FGD5: variants seen among roughly 807,000 people sequenced by gnomAD.
FGD5 encodes FYVE, RhoGEF and PH domain containing 5, also known as FYVE, RhoGEF and PH domain-containing protein 5.
Under a neutral mutation model 133.4 loss-of-function variants are expected in FGD5, and 28 were observed. The observed-to-expected ratio is 0.21, with a 90% confidence interval of 0.16 to 0.29. The LOEUF is 0.29. FGD5 is among the 10% of genes least tolerant of loss of function. FGD5 has a pLI of 1.00. For synonymous variants in FGD5, 810 were observed against 776.5 expected (o/e 1.04, Z -0.72); for missense variants, 1,858 against 1,895.2 (o/e 0.98, Z 0.36).
chr3:14,875,868 C>T (rs1444226625), intron 2 of FGD5, among the ~76,000 whole-genome samples: 1 of 151,658 alleles, frequency 6.6e-6, no homozygotes, highest in East Asian at 1.9e-4. Context: ...GATTGGAGTG[C>T]CCAGTGACCA....
At chr3:14,853,455 C>A (rs1575209173) in intron 1 of FGD5, among the ~76,000 whole-genome samples, 1 of 151,824 alleles carries the variant, frequency 6.6e-6, no homozygotes, top group Admixed American at 6.6e-5. Flanking sequence ...GAGCTCAGCC[C>A]CGAAGCCCCC....
At chr3:14,906,706 G>A (rs2038349336) in intron 9 of FGD5, among the ~76,000 whole-genome samples, 1 of 152,230 alleles carries the variant, frequency 6.6e-6, no homozygotes, top group African/African-American at 2.4e-5. Context: ...CATTTTCGCT[G>A]CTTTCTTCTT....
intron 1 of FGD5, among the ~76,000 whole-genome samples, chr3:14,860,568 G>A (rs1051143074): frequency 2.0e-5 from 3 of 152,238 alleles, no homozygotes; most frequent in Admixed American, 2.0e-4. Flanking sequence ...AGGCTGAATT[G>A]AGGATCAGAA....
chr3:14,922,329 G>T lies in FGD5; in HGVS notation c.3670-82G>T. 4 of 1,525,148 alleles carry T rather than the reference G, an allele frequency of 2.6e-6. No individual in the cohort carries two copies. The highest frequency in any genetic ancestry group is 3.5e-6 in the Non-Finnish European group (4 of 1,128,318). 94.5% of individuals were successfully genotyped at this position (1,525,148 alleles called of 1,614,324 possible). A position where few individuals can be genotyped will look rare whatever the true frequency, so the allele number is the denominator to read the frequency against. On this transcript the variant is annotated intron_variant, in intron 14 of 19. Coordinates refer to ENST00000285046, the MANE Select transcript of FGD5 (RefSeq NM_152536.4). This position sits in a 1 kb window ranked among gnomAD's most constrained non-coding sequence, Gnocchi z 4.1. ...CACATCACACACCCTGCACAGAGAC[G>T]CAGGGCAGGGCTCACTGGGCTCTGC...
At position 14,880,559 on chromosome 3, in the gene FGD5, T is replaced by C; in HGVS notation, c.2659-13T>C. ...ATGCCTGTCCCACCTGATTGCTCTC[T>C]TTCCTCCCACAGGTGGAAGGACAGT... On this transcript the variant is annotated splice_polypyrimidine_tract_variant and intron_variant, in intron 2 of 19. Transcript: ENST00000285046. The C allele has an allele frequency of 6.2e-7, 1 of 1,613,158 alleles. No individual in the cohort carries two copies.
At chr3:14,850,896 G>A (rs1450012323) in intron 1 of FGD5, among the ~76,000 whole-genome samples, 1 of 152,128 alleles carries the variant, frequency 6.6e-6, no homozygotes, top group East Asian at 1.9e-4. Context: ...GCAAATGTAT[G>A]CATGGGCCAG....
chr3:14,867,534 A>G (rs2037518961), intron 2 of FGD5, among the ~76,000 whole-genome samples: 1 of 152,128 alleles, frequency 6.6e-6, no homozygotes, highest in South Asian at 2.1e-4. Flanking sequence ...GCATATTTTA[A>G]ATCTCCATAT....
chr3:14,910,125 A>T lies in FGD5; in HGVS notation c.3337-736A>T, dbSNP rs535480302. ...AAAATAAAAATAAAAAATACATAAA[A>T]TGAATTAGAAACCTGTAAAAGTCTG... On this transcript the variant is annotated intron_variant, in intron 10 of 19. Transcript: ENST00000285046. Among the ~76,000 whole-genome samples, 4 of 152,324 alleles carry T rather than the reference A, an allele frequency of 2.6e-5. No homozygotes were observed. The South Asian group carries it at 8.3e-4, about 32-fold the overall frequency.
chr3:14,823,894 T>C (rs1230842088), intron 1 of FGD5, among the ~76,000 whole-genome samples: 1 of 152,240 alleles, frequency 6.6e-6, no homozygotes, highest in African/African-American at 2.4e-5. Flanking sequence ...CGGACAGTTA[T>C]GACAATAGGG....
intron 4 of FGD5, 47 bp downstream of exon 4, chr3:14,880,819 G>T: frequency 6.2e-7 from 1 of 1,601,798 alleles, no homozygotes; most frequent in East Asian, 2.2e-5. Context: ...CCTTTTACAA[G>T]TCTGTGATAT....
intron 1 of FGD5, among the ~76,000 whole-genome samples, chr3:14,861,426 A>G (rs1240926454): frequency 6.6e-6 from 1 of 152,182 alleles, no homozygotes; most frequent in African/African-American, 2.4e-5. Context: ...GACTTACAGA[A>G]GTAAAATAAC....
chr3:14,812,469 A>G (rs940476398), intron 1 of FGD5, among the ~76,000 whole-genome samples: 8 of 152,178 alleles, frequency 5.3e-5, no homozygotes, highest in Admixed American at 2.0e-4. Context: ...TTCTCTGAGA[A>G]TCTGGGGGAT....
At chr3:14,848,223 T>C (rs1220259643) in intron 1 of FGD5, among the ~76,000 whole-genome samples, 2 of 152,176 alleles carry the variant, frequency 1.3e-5, no homozygotes, top group African/African-American at 4.8e-5. Context: ...CTTTTCGTTG[T>C]TGTGGGAGGC....
chr3:14,865,374 C>T (rs1050111065), intron 2 of FGD5, among the ~76,000 whole-genome samples: 1 of 152,232 alleles, frequency 6.6e-6, no homozygotes, highest in Non-Finnish European at 1.5e-5. Flanking sequence ...CTCATTTTCT[C>T]TCCACAAAGG....
intron 4 of FGD5, among the ~76,000 whole-genome samples, chr3:14,884,741 A>G (rs956883244): frequency 2.6e-5 from 4 of 152,204 alleles, no homozygotes; most frequent in African/African-American, 7.2e-5. Flanking sequence ...CCTGATGGCT[A>G]GGAGCTGGGA....
chr3:14,931,642 C>A (rs1212638476), intron 18 of FGD5: 3 of 152,142 alleles, frequency 2.0e-5, no homozygotes, highest in Admixed American at 2.0e-4. Flanking sequence ...AATGTCTTTA[C>A]CTATATATAA....
chr3:14,875,775 A>C (rs2037705362), intron 2 of FGD5, among the ~76,000 whole-genome samples: 1 of 152,118 alleles, frequency 6.6e-6, no homozygotes, highest in Non-Finnish European at 1.5e-5. Context: ...GGTGAGGCCC[A>C]GGCTGGAGGG....
intron 1 of FGD5, among the ~76,000 whole-genome samples, chr3:14,843,703 T>TTTTTG (rs2036969621): frequency 2.4e-5 from 3 of 124,020 alleles, no homozygotes; most frequent in South Asian, 2.5e-4. Context: ...TTTTTTTTTT[T>TTTTTG]GGGGGGAGAC....
chr3:14,923,912 C>T, intron 16 of FGD5, 96 bp from the exon 17 acceptor site: 2 of 1,475,932 alleles, frequency 1.4e-6, no homozygotes, highest in South Asian at 1.2e-5. Context: ...CCCCATGGCT[C>T]ACATTCCTAG....
Sources: allele counts gnomAD v4.1 joint callset (sites outside exome capture counted in the v4.1 genomes callset), GRCh38; gene constraint gnomAD v4.1.1; non-coding constraint Gnocchi (gnomAD v3.1); transcripts MANE v1.5; gene names NCBI Gene and HGNC (gene_info 2026-07-23, HGNC 2026-07-21).